Variants in CCDC9 observed in about 807,000 individuals in gnomAD.
CCDC9 encodes the protein coiled-coil domain containing 9.
Under a neutral mutation model 65.6 loss-of-function variants are expected in CCDC9, and 52 were observed. The observed-to-expected ratio is 0.79, with a 90% confidence interval of 0.63 to 1.00. CCDC9 has a LOEUF of 1.00. CCDC9 is among the 50% of genes least tolerant of loss of function. CCDC9 has a pLI of 0.00. For missense variants in CCDC9, 834 were observed against 757.2 expected, an observed-to-expected ratio of 1.10 and a Z score of -1.19; for synonymous variants, 332 against 280.3, an observed-to-expected ratio of 1.18 and a Z score of -1.84.
downstream of CCDC9, chr19:47,273,972 C>G: frequency 1.0e-6 from 1 of 985,040 alleles, no homozygotes; most frequent in South Asian, 4.7e-5. Context: ...GCAGGCCTCC[C>G]CGAATTCCTG....
chr19:47,260,519 G>C, intron 4 of CCDC9, 69 bp from the exon 5 acceptor site: 1 of 1,587,272 alleles, frequency 6.3e-7, no homozygotes, highest in Non-Finnish European at 8.6e-7. Flanking sequence ...GCACCAGTGG[G>C]TGGCCTCCAT....
At position 47,261,824 on chromosome 19, in the gene CCDC9, C is replaced by T. The variant is rs528053468; in HGVS notation, c.462+985C>T. On this transcript the variant is annotated intron_variant, in intron 5 of 11. Transcript: ENST00000221922. ...TCACCTGAAGTCAGGAGTTCGAGACCAGCCTGGCCAACATGGCGAAACCCC... is the reference window on the plus strand; with the variant it reads ...TCACCTGAAGTCAGGAGTTCGAGACTAGCCTGGCCAACATGGCGAAACCCC... Among the ~76,000 whole-genome samples the T allele has an allele frequency of 9.4e-4, 142 of 151,504 alleles. 1 individual carries two copies. The highest frequency in any genetic ancestry group is 3.4e-3 in the African/African-American group (140 of 41,270).
chr19:47,275,036 C>A, downstream of CCDC9: 1 of 1,489,944 alleles, frequency 6.7e-7, no homozygotes, highest in Non-Finnish European at 8.9e-7. Context: ...ACTTCCTCTG[C>A]GTCTCGCTAG....
At chr19:47,270,294 C>CATTCCATTCCAA in intron 8 of CCDC9, 113 bp from the exon 9 acceptor site, 1 of 1,004,680 alleles carries the variant, frequency 1.0e-6, no homozygotes, top group South Asian at 1.4e-5. Context: ...TGTCCCCTGT[C>CATTCCATTCCAA]TGGTTGACCG....
chr19:47,274,792 A>G (rs1303959071), downstream of CCDC9: 56 of 473,732 alleles, frequency 1.2e-4, 1 homozygote, highest in African/African-American at 3.6e-3. Flanking sequence ...TGGGGGCGTG[A>G]CCATGCTGGC....
downstream of CCDC9, chr19:47,273,382 G>C (rs2123491834): frequency 1.6e-6 from 2 of 1,231,912 alleles, no homozygotes; most frequent in South Asian, 4.1e-5. Context: ...GCCAGGAGAC[G>C]GCGGAGATCA....
downstream of CCDC9, chr19:47,273,496 C>G (rs1191571950): frequency 6.1e-6 from 4 of 653,604 alleles, no homozygotes; most frequent in Non-Finnish European, 8.7e-6. Context: ...GCGCTCTGCA[C>G]TAACCTCCCA....
chr19:47,275,295 C>A (rs1249277804), downstream of CCDC9: 3 of 1,545,996 alleles, frequency 1.9e-6, no homozygotes, highest in African/African-American at 4.2e-5. Context: ...CCGTCCGAGC[C>A]GCCAGACACC....
chr19:47,261,850 A>G (rs1187067429), intron 5 of CCDC9, among the ~76,000 whole-genome samples: 1 of 151,238 alleles, frequency 6.6e-6, no homozygotes, highest in Non-Finnish European at 1.5e-5. Context: ...GCGAAACCCC[A>G]TCTCTACTAA....
intron 5 of CCDC9, 135 bp downstream of exon 5, chr19:47,260,974 CTGTT>C (rs1471277588): frequency 8.0e-6 from 8 of 1,005,354 alleles, no homozygotes; most frequent in Non-Finnish European, 1.1e-5. Flanking sequence ...GCATCTGGCT[CTGTT>C]TCTCTCTTCC....
intron 8 of CCDC9, among the ~76,000 whole-genome samples, chr19:47,268,143 G>A (rs1335235995): frequency 6.6e-6 from 1 of 152,058 alleles, no homozygotes; most frequent in African/African-American, 2.4e-5. Context: ...CACCGCGCCC[G>A]GCACCACCAC....
At chr19:47,256,887 A>T (rs1319357117) in intron 1 of CCDC9, among the ~76,000 whole-genome samples, 21 of 151,346 alleles carry the variant, frequency 1.4e-4, no homozygotes, top group Non-Finnish European at 2.9e-5. Flanking sequence ...TTGCTTGTTC[A>T]GCTGTGTGGC....
At chr19:47,267,965 A>G (rs916464243) in intron 8 of CCDC9, among the ~76,000 whole-genome samples, 1 of 151,770 alleles carries the variant, frequency 6.6e-6, no homozygotes, top group Non-Finnish European at 1.5e-5. Flanking sequence ...TTCCTGCCTC[A>G]GCCTCCTGAG....
At chr19:47,274,968 G>A (rs1252307161), downstream of CCDC9, 1 of 1,439,350 alleles carries the variant, frequency 6.9e-7, no homozygotes. Flanking sequence ...CCCCGGAGGC[G>A]CGGGGCTGAG....
At position 47,266,693 on chromosome 19, in the gene CCDC9, A is replaced by G. The variant is rs2059084599; in HGVS notation, c.803A>G (p.Lys268Arg). ...GRERSEYLRW[K>R]QEREKIDQER... ...GAGCGGTCGGAGTACCTGCGCTGGA[A>G]GCAGGAGAGGGAGAAGATCGACCAG... Residue 268 changes from lysine (K) to arginine (R), a missense_variant, in exon 8 of 12, where the codon AAG becomes AGG. By Grantham distance (26) the Lys-to-Arg change is conservative. Coordinates refer to ENST00000221922, the MANE Select transcript of CCDC9 (RefSeq NM_015603.3). The G allele has an allele frequency of 6.2e-7, 1 of 1,610,778 alleles. No homozygotes were observed. Among genetic ancestry groups the G allele is most frequent in the East Asian group, 2.2e-5 (1 of 44,734 alleles).
chr19:47,273,992 C>G (rs1323788781), downstream of CCDC9: 13 of 984,520 alleles, frequency 1.3e-5, no homozygotes, highest in Non-Finnish European at 1.6e-5. Flanking sequence ...GAAGACGCTG[C>G]TGGGAGGGGA....
At chr19:47,271,002 C>G in intron 10 of CCDC9, 80 bp from the exon 11 acceptor site, 1 of 1,089,168 alleles carries the variant, frequency 9.2e-7, no homozygotes, top group Non-Finnish European at 1.3e-6. Flanking sequence ...CAGCTCCTCC[C>G]TAGGGAGGGT....
intron 5 of CCDC9, among the ~76,000 whole-genome samples, chr19:47,262,910 A>AC: frequency 6.6e-6 from 1 of 151,912 alleles, no homozygotes; most frequent in African/African-American, 2.4e-5. Context: ...ACAGAGTGAG[A>AC]CCCCATCTCT....
chr19:47,260,271 C>T (rs769399151), intron 3 of CCDC9, 50 bp from the exon 4 acceptor site: 14 of 1,368,498 alleles, frequency 1.0e-5, no homozygotes, highest in Admixed American at 3.9e-5. Context: ...GGGAGTCCGT[C>T]TGGCAGACAG....
Sources: gnomAD v4.1 joint callset for allele counts (sites outside exome capture counted in the v4.1 genomes callset) on GRCh38, gnomAD v4.1.1 for gene constraint, MANE v1.5 for transcripts, NCBI Gene and HGNC (gene_info 2026-07-23, HGNC 2026-07-21) for gene names.